Variants in SLIT3 observed in about 807,000 individuals in gnomAD.
SLIT3 encodes the protein slit homolog 3 protein.
SLIT3 carries 68 observed loss-of-function variants against 184.0 expected under a neutral mutation model. That is an observed-to-expected ratio of 0.37 (90% confidence interval 0.30 to 0.45). The LOEUF (loss-of-function observed/expected upper bound fraction) is 0.45, where lower values mean the gene tolerates loss of function less well. SLIT3 is among the 20% of genes least tolerant of loss of function. The pLI is 1.00. For synonymous variants in SLIT3, 831 were observed against 828.6 expected (o/e 1.00, Z -0.05); for missense variants, 1,707 against 2,026.0 (o/e 0.84, Z 3.02).
At chr5:168,729,382 A>G (rs1181346129) in intron 20 of SLIT3, among the ~76,000 whole-genome samples, 1 of 152,162 alleles carries the variant, frequency 6.6e-6, no homozygotes, top group African/African-American at 2.4e-5. Flanking sequence ...AGGATTTTAA[A>G]ATTAGCAAGA....
intron 4 of SLIT3, among the ~76,000 whole-genome samples, chr5:169,096,053 G>C (rs1054038521): frequency 6.6e-6 from 1 of 152,052 alleles, no homozygotes; most frequent in African/African-American, 2.4e-5. Context: ...TTTTTCCAGC[G>C]TCCCTTCTAT....
At chr5:168,772,174 C>T (rs771814483) in intron 14 of SLIT3, 3 of 152,234 alleles carry the variant, frequency 2.0e-5, no homozygotes, top group African/African-American at 4.8e-5. Flanking sequence ...CACAGAAGAA[C>T]GAGGCTTTGT....
chr5:168,868,147 C>A (rs1759374940), intron 5 of SLIT3, among the ~76,000 whole-genome samples: 1 of 152,160 alleles, frequency 6.6e-6, no homozygotes, highest in African/African-American at 2.4e-5. Flanking sequence ...AAGCCAATAG[C>A]CCAACTGTAA....
At chr5:168,883,212 CAG>C in intron 5 of SLIT3, 51 bp downstream of exon 5, 1 of 1,467,256 alleles carries the variant, frequency 6.8e-7, no homozygotes, top group Admixed American at 1.7e-5. Flanking sequence ...TCACTCTGGT[CAG>C]AGAGCCCAAG....
At chr5:168,850,933 C>T (rs992813789) in intron 5 of SLIT3, among the ~76,000 whole-genome samples, 2 of 152,170 alleles carry the variant, frequency 1.3e-5, no homozygotes, top group African/African-American at 4.8e-5. Context: ...ATCAATAACT[C>T]CACTTCTGTG....
chr5:168,670,578 C>T (rs62377319), intron 34 of SLIT3, among the ~76,000 whole-genome samples: 31,603 of 152,154 alleles, frequency 0.21, 4,172 homozygotes, highest in South Asian at 0.34. Flanking sequence ...GTCAAACACA[C>T]ACACACATAT....
At chr5:168,781,265 A>G (rs908923126) in intron 12 of SLIT3, among the ~76,000 whole-genome samples, 3 of 152,286 alleles carry the variant, frequency 2.0e-5, no homozygotes, top group Admixed American at 2.0e-4. Context: ...AGGGAGAACT[A>G]TTATTTGGTT....
intron 3 of SLIT3, among the ~76,000 whole-genome samples, chr5:169,206,246 A>G (rs930656929): frequency 2.6e-5 from 4 of 152,196 alleles, no homozygotes; most frequent in African/African-American, 9.7e-5. Flanking sequence ...ACTCATTTCT[A>G]TGAGGAATTA....
At chr5:168,845,840 G>A (rs150735697) in intron 5 of SLIT3, among the ~76,000 whole-genome samples, 184 of 152,294 alleles carry the variant, frequency 1.2e-3, no homozygotes, top group African/African-American at 4.2e-3. Context: ...TGGGGCTGCA[G>A]GACAGGTGAA....
chr5:168,741,494 A>AC lies in SLIT3; in HGVS notation c.2270+6807_2270+6808insG, dbSNP rs1763638205. On this transcript the variant is annotated intron_variant, in intron 20 of 35. Transcript: ENST00000519560. ...ACTCGGTCTCAAAAAAAAAAAAAAAAAAGAAGACAAGACAGATTCAGAGAG... is the reference window on the plus strand; with the variant it reads ...ACTCGGTCTCAAAAAAAAAAAAAAAACAAGAAGACAAGACAGATTCAGAGAG... 1.1e-4 allele frequency among the ~76,000 whole-genome samples: 17 copies of AC among 151,438 alleles called. No homozygotes were observed. In the South Asian group the frequency reaches 3.5e-3, roughly 32 times the overall value.
chr5:169,090,087 C>T (rs185836539), intron 4 of SLIT3, among the ~76,000 whole-genome samples: 4 of 152,236 alleles, frequency 2.6e-5, no homozygotes, highest in African/African-American at 9.6e-5. Flanking sequence ...AGATAAGCAA[C>T]AGCAGGGAGC....
At position 168,696,345 on chromosome 5, in the gene SLIT3, G is replaced by A. The variant is rs1193756931; in HGVS notation, c.3029C>T (p.Thr1010Ile). 1 of 1,614,054 alleles carries A rather than the reference G, an allele frequency of 6.2e-7. No individual in the cohort carries two copies. Among genetic ancestry groups the A allele is most frequent in the East Asian group, 2.2e-5 (1 of 44,886 alleles). Residue 1010 changes from threonine (T) to isoleucine (I), a missense_variant, in exon 28 of 36, where the codon ACC (threonine) becomes ATC (isoleucine). Physicochemically the swap from Thr to Ile is moderately conservative, Grantham distance 89. Transcript: ENST00000519560. The stretch of plus-strand genomic sequence containing the variant: ...GTAGTTGTTGATCCCGTCCACGCAG[G>A]TGGCATTGTTTTCGCAGTCGTTGTC... Reference protein sequence around the residue: ...CEDNDCENNATCVDGINNYVC... With the variant: ...CEDNDCENNAICVDGINNYVC...
intron 4 of SLIT3, among the ~76,000 whole-genome samples, chr5:169,135,899 C>A (rs991166220): frequency 6.6e-6 from 1 of 152,170 alleles, no homozygotes; most frequent in African/African-American, 2.4e-5. Context: ...TAGGCCACAG[C>A]CTTGGTACAC....
chr5:168,988,324 G>A (rs1350956837), intron 4 of SLIT3, among the ~76,000 whole-genome samples: 1 of 152,122 alleles, frequency 6.6e-6, no homozygotes, highest in Admixed American at 6.5e-5. Context: ...AAAAGAAATT[G>A]TGGACATGCA....
At chr5:169,033,454 G>A (rs1269262983) in intron 4 of SLIT3, among the ~76,000 whole-genome samples, 2 of 152,048 alleles carry the variant, frequency 1.3e-5, no homozygotes, top group Non-Finnish European at 2.9e-5. Flanking sequence ...TTGGGTATGT[G>A]CCCAGAAGAG....
At chr5:169,118,269 G>C (rs1473103047) in intron 4 of SLIT3, among the ~76,000 whole-genome samples, 1 of 152,108 alleles carries the variant, frequency 6.6e-6, no homozygotes, top group Non-Finnish European at 1.5e-5. Context: ...ATTTGTATTA[G>C]GATTTTTATT....
intron 5 of SLIT3, among the ~76,000 whole-genome samples, chr5:168,856,816 C>CGT (rs1348204213): frequency 1.4e-5 from 2 of 147,080 alleles, no homozygotes; most frequent in South Asian, 2.2e-4. Flanking sequence ...TGCGCGCGCG[C>CGT]GCACGCCTTT....
At chr5:168,969,582 C>T (rs997605699) in intron 4 of SLIT3, among the ~76,000 whole-genome samples, 1 of 152,134 alleles carries the variant, frequency 6.6e-6, no homozygotes, top group Non-Finnish European at 1.5e-5. Flanking sequence ...ATAAAGCTAT[C>T]AACAAGAAAA....
intron 14 of SLIT3, among the ~76,000 whole-genome samples, chr5:168,771,978 GT>G (rs1281701091): frequency 1.3e-5 from 2 of 148,784 alleles, no homozygotes; most frequent in African/African-American, 5.1e-5. Context: ...GCACAATGCA[GT>G]TTGGTGATTT....
Sources: allele counts gnomAD v4.1 joint callset (sites outside exome capture counted in the v4.1 genomes callset), GRCh38; gene constraint gnomAD v4.1.1; transcripts MANE v1.5; gene names NCBI Gene and HGNC (gene_info 2026-07-23, HGNC 2026-07-21).